Variants in SUGCT observed in about 807,000 individuals in gnomAD.
SUGCT encodes the protein succinyl-CoA:glutarate-CoA transferase.
In SUGCT, 41 loss-of-function variants were observed where a neutral mutation model predicts 55.0. The ratio of observed to expected loss-of-function variants is 0.74; its 90% CI spans 0.58 to 0.97. The LOEUF (loss-of-function observed/expected upper bound fraction) is 0.97. SUGCT is among the 50% of genes least tolerant of loss of function. SUGCT has a pLI of 0.00. For synonymous variants in SUGCT, 187 were observed against 200.4 expected (o/e 0.93, Z 0.56); for missense variants, 568 against 547.8 (o/e 1.04, Z -0.37).
At chr7:41,038,216 C>T in the SUGCT span, among the ~76,000 whole-genome samples, 1 of 152,198 alleles carries the variant, frequency 6.6e-6, no homozygotes, top group Admixed American at 6.5e-5. Context: ...CTCTGTTGGG[C>T]CTGGTGTAAG....
chr7:40,339,122 G>A (rs558602239), intron 9 of SUGCT, among the ~76,000 whole-genome samples: 1 of 152,154 alleles, frequency 6.6e-6, no homozygotes, highest in East Asian at 1.9e-4. Context: ...TGTCTCAGAG[G>A]GGTACCCAGC....
chr7:40,353,404 C>T (rs1280317026), intron 9 of SUGCT, among the ~76,000 whole-genome samples: 2 of 152,084 alleles, frequency 1.3e-5, no homozygotes, highest in Non-Finnish European at 2.9e-5. Flanking sequence ...ACAGGATCCT[C>T]AGATAATGTG....
intron 5 of SUGCT, among the ~76,000 whole-genome samples, chr7:40,192,686 C>T (rs1326443260): frequency 4.3e-5 from 6 of 141,006 alleles, no homozygotes; most frequent in African/African-American, 1.6e-4. Context: ...GGCTAGGGTA[C>T]AATGGTGCGA....
At chr7:40,938,157 T>A in the SUGCT span, among the ~76,000 whole-genome samples, 1 of 152,216 alleles carries the variant, frequency 6.6e-6, no homozygotes, top group Admixed American at 6.5e-5. Flanking sequence ...GGGACTCCTG[T>A]TGTAGACAAC....
intron 12 of SUGCT, among the ~76,000 whole-genome samples, chr7:40,564,008 C>G (rs530380916): frequency 3.9e-5 from 6 of 152,234 alleles, no homozygotes; most frequent in Middle Eastern, 3.4e-3. Context: ...AAAAAAATAT[C>G]TAGAAGTAAA....
chr7:40,335,088 C>G (rs537216507), intron 9 of SUGCT, among the ~76,000 whole-genome samples: 2 of 152,220 alleles, frequency 1.3e-5, no homozygotes, highest in African/African-American at 4.8e-5. Context: ...TTTCTGAGGG[C>G]TCTGTTCTGT....
At chr7:40,919,246 T>A in the SUGCT span, among the ~76,000 whole-genome samples, 14 of 152,354 alleles carry the variant, frequency 9.2e-5, no homozygotes, top group African/African-American at 3.1e-4. Flanking sequence ...TCTACCTGCA[T>A]GTCCCACGGA....
intron 9 of SUGCT, among the ~76,000 whole-genome samples, chr7:40,379,561 A>C (rs1784770959): frequency 6.6e-6 from 1 of 152,130 alleles, no homozygotes; most frequent in Non-Finnish European, 1.5e-5. Context: ...TTTCTGAACT[A>C]AATCTGTAAA....
chr7:40,935,002 G>A, the SUGCT span, among the ~76,000 whole-genome samples: 22 of 152,280 alleles, frequency 1.4e-4, no homozygotes, highest in African/African-American at 2.6e-4. Flanking sequence ...TGTCTTCTGC[G>A]TTGATCATGC....
intron 9 of SUGCT, among the ~76,000 whole-genome samples, chr7:40,339,732 G>T (rs1374457042): frequency 6.6e-6 from 1 of 152,142 alleles, no homozygotes; most frequent in East Asian, 1.9e-4. Flanking sequence ...GGCTCACGCT[G>T]GGTGGGCTGC....
chr7:40,215,166 A>C (rs1321747799), intron 6 of SUGCT, among the ~76,000 whole-genome samples: 1 of 151,984 alleles, frequency 6.6e-6, no homozygotes, highest in Non-Finnish European at 1.5e-5. Flanking sequence ...TGTTTGAGAC[A>C]AAGTCTCATT....
intron 9 of SUGCT, among the ~76,000 whole-genome samples, chr7:40,324,236 A>T (rs370043594): frequency 7.8e-5 from 4 of 51,214 alleles, no homozygotes; most frequent in African/African-American, 2.2e-4. Flanking sequence ...CATATATATA[A>T]ATAAATAAAT....
chr7:40,217,584 G>T, intron 6 of SUGCT: 1 of 286,492 alleles, frequency 3.5e-6, no homozygotes, highest in Admixed American at 4.6e-5. Context: ...ATCCCAGCAT[G>T]TTGTGCCTTT....
chr7:40,724,997 C>A (rs1318618334), intron 12 of SUGCT, among the ~76,000 whole-genome samples: 1 of 152,184 alleles, frequency 6.6e-6, no homozygotes, highest in Non-Finnish European at 1.5e-5. Context: ...GTACTCAAAA[C>A]AGTTGAGAGT....
intron 1 of SUGCT, among the ~76,000 whole-genome samples, chr7:40,138,574 T>C (rs1290496518): frequency 2.0e-5 from 3 of 152,228 alleles, no homozygotes; most frequent in Non-Finnish European, 4.4e-5. Context: ...ATCTCCATAC[T>C]GTTTTCCATA....
intron 9 of SUGCT, among the ~76,000 whole-genome samples, chr7:40,444,081 T>C (rs1788672401): frequency 6.6e-6 from 1 of 152,178 alleles, no homozygotes. Flanking sequence ...CATTGGTCTA[T>C]ATCTCTGTTT....
chr7:40,993,142 A>C, the SUGCT span, among the ~76,000 whole-genome samples: 1 of 152,164 alleles, frequency 6.6e-6, no homozygotes, highest in East Asian at 1.9e-4. Context: ...CCTCCTGGTC[A>C]TATGGATCTT....
intron 13 of SUGCT, among the ~76,000 whole-genome samples, chr7:40,765,632 C>A (rs745687233): frequency 6.6e-6 from 1 of 152,004 alleles, no homozygotes; most frequent in Non-Finnish European, 1.5e-5. Context: ...ATATAAATTG[C>A]CAATTATGTT....
At chr7:40,819,841 C>A (rs563131062) in intron 13 of SUGCT, among the ~76,000 whole-genome samples, 1 of 152,230 alleles carries the variant, frequency 6.6e-6, no homozygotes, top group South Asian at 2.1e-4. Flanking sequence ...CACATGCCTA[C>A]AGCCTGAATG....
Sources: allele counts gnomAD v4.1 joint callset (sites outside exome capture counted in the v4.1 genomes callset), GRCh38; gene constraint gnomAD v4.1.1; transcripts MANE v1.5; gene names NCBI Gene and HGNC (gene_info 2026-07-23, HGNC 2026-07-21).